Variants in ARHGEF12 observed in about 807,000 individuals in gnomAD.
The protein encoded by ARHGEF12 is KMT2A/ARHGEF12 fusion protein.
ARHGEF12 carries 66 observed loss-of-function variants against 211.2 expected under a neutral mutation model. The observed-to-expected ratio is 0.31, with a 90% CI of 0.26 to 0.38. The LOEUF (loss-of-function observed/expected upper bound fraction) is 0.38. Among genes scored for constraint, ARHGEF12 ranks in the 10% least tolerant of loss-of-function variants. The pLI, the probability that ARHGEF12 is intolerant of heterozygous loss-of-function variation, is 1.00. For synonymous variants in ARHGEF12, 592 were observed against 638.4 expected (o/e 0.93, Z 1.09); for missense variants, 1,429 against 1,869.5 (o/e 0.76, Z 4.34).
In ARHGEF12 at chr11:120,424,411, C is replaced by T; in HGVS notation, c.402C>T (p.Ile134=). Residue 134 remains isoleucine, a synonymous_variant, in exon 7 of 41, where the codon ATC becomes ATT. Coordinates refer to ENST00000397843, the MANE Select transcript of ARHGEF12 (RefSeq NM_015313.3). ...HSNHLEVVKL[I]KSGSYVALTV... ...ATCATCTGGAGGTGGTGAAGCTAAT[C>T]AAATGTAGGTGAATGTTATTCTTAG... The T allele has an allele frequency of 6.2e-7, 1 of 1,612,834 alleles. No homozygotes were observed. The highest frequency in any genetic ancestry group is 8.5e-7 in the Non-Finnish European group (1 of 1,179,236).
Position 120,484,486 on chromosome 11 carries a change from G to A in ARHGEF12, c.4603G>A (p.Ala1535Thr), listed in dbSNP as rs756480281. 1 of 1,614,100 alleles carries A rather than the reference G, an allele frequency of 6.2e-7. No homozygotes were observed. The highest frequency in any genetic ancestry group is 1.7e-5 in the Admixed American group (1 of 60,030). Reference protein sequence around the residue: ...TILCQRLAGSALTDKHSDKS With the variant: ...TILCQRLAGSTLTDKHSDKS ...TCTTTGCCAAAGGCTGGCTGGATCA[G>A]CCCTCACAGACAAGCACTCAGGTAT... The change falls in exon 40 of 41, where the codon GCC becomes ACC. Residue 1535 changes from alanine (A) to threonine (T), a missense_variant. By Grantham distance (58) the Ala-to-Thr change is moderately conservative (BLOSUM62 0). Transcript: ENST00000397843.
Position 120,486,557 on chromosome 11 carries a change from G to A in ARHGEF12, c.*1480G>A, listed in dbSNP as rs1434325235. ...TTCTTTGGTTTTCCTTGTGCATTAG[G>A]TATATATTTTTTGAAGTATTTTTGC... On this transcript the variant is annotated 3_prime_UTR_variant, in exon 41 of 41. Coordinates refer to ENST00000397843, the MANE Select transcript of ARHGEF12 (RefSeq NM_015313.3). 1 of 226,744 alleles carries A rather than the reference G, an allele frequency of 4.4e-6. No individual in the cohort carries two copies. Among genetic ancestry groups the A allele is most frequent in the African/African-American group, 2.2e-5 (1 of 45,002 alleles). The allele number at this position is 226,744 out of a possible 1,614,324, so 14.0% of individuals were successfully genotyped here.
Position 120,486,246 on chromosome 11 carries a change from A to G in ARHGEF12, c.*1169A>G. On this transcript the variant is annotated 3_prime_UTR_variant, in exon 41 of 41. Transcript: ENST00000397843. ...TCTAATTTTTGCACTGATGGTGCCA[A>G]AGGGCCCTGAGTCAAAAGGATAGCC... 1 of 233,352 alleles carries G rather than the reference A, an allele frequency of 4.3e-6. No homozygotes were observed. The highest frequency in any genetic ancestry group is 8.5e-6 in the Non-Finnish European group (1 of 117,806). The allele number at this position is 233,352 out of a possible 1,614,324, so 14.5% of individuals were successfully genotyped here.
intron 1 of ARHGEF12, among the ~76,000 whole-genome samples, chr11:120,376,826 C>T (rs1195402525): frequency 6.6e-6 from 1 of 152,140 alleles, no homozygotes; most frequent in Non-Finnish European, 1.5e-5. Context: ...TGGTAAACAT[C>T]TTTCTATCTC....
intron 8 of ARHGEF12, 39 bp downstream of exon 8, chr11:120,428,286 T>C: frequency 6.8e-7 from 1 of 1,467,362 alleles, no homozygotes; most frequent in Non-Finnish European, 9.1e-7. Flanking sequence ...TGCTCAGTCT[T>C]ATAAGGATGT....
At chr11:120,410,480 C>T (rs1391410917) in intron 4 of ARHGEF12, 1 of 151,994 alleles carries the variant, frequency 6.6e-6, no homozygotes, top group Non-Finnish European at 1.5e-5. Flanking sequence ...AGAGCAGAAG[C>T]TCCCCCAGGT....
In ARHGEF12 at chr11:120,486,934, T is replaced by C. The variant is rs1338083947; in HGVS notation, c.*1857T>C. On this transcript the variant is annotated 3_prime_UTR_variant, in exon 41 of 41. Transcript: ENST00000397843. Reference sequence around the variant, plus strand: ...TCTAACTCAGAATGGGATTAAAAATTTTAGAAGCAGAAGCTAATATATAAA... The same window carrying C: ...TCTAACTCAGAATGGGATTAAAAATCTTAGAAGCAGAAGCTAATATATAAA... The C allele has an allele frequency of 1.4e-5, 3 of 211,472 alleles. No individual in the cohort carries two copies. Among genetic ancestry groups the C allele is most frequent in the Non-Finnish European group, 2.9e-5 (3 of 104,374 alleles). 13.1% of individuals were successfully genotyped at this position (211,472 alleles called of 1,614,324 possible).
At chr11:120,395,280 C>G (rs899224054) in intron 1 of ARHGEF12, among the ~76,000 whole-genome samples, 3 of 151,630 alleles carry the variant, frequency 2.0e-5, no homozygotes, top group Non-Finnish European at 2.9e-5. Flanking sequence ...AGGGTTTATC[C>G]CAGGAGTGCA....
At chr11:120,421,619 G>A (rs958216638) in intron 5 of ARHGEF12, among the ~76,000 whole-genome samples, 184 bp from the exon 6 acceptor site, 3 of 151,822 alleles carry the variant, frequency 2.0e-5, no homozygotes, top group African/African-American at 7.3e-5. Flanking sequence ...TGTATTTTTA[G>A]TAGAGACGGG....
At chr11:120,434,506 A>AATTTTAAGT (rs1945637827) in intron 11 of ARHGEF12, among the ~76,000 whole-genome samples, 1 of 152,188 alleles carries the variant, frequency 6.6e-6, no homozygotes, top group Non-Finnish European at 1.5e-5. Context: ...TGTTTGTTTC[A>AATTTTAAGT]ATTTTAAGTA....
intron 27 of ARHGEF12, among the ~76,000 whole-genome samples, chr11:120,462,328 T>G (rs1341161001): frequency 1.3e-5 from 2 of 152,118 alleles, no homozygotes; most frequent in Non-Finnish European, 2.9e-5. Context: ...CATTTTTCCA[T>G]TAGGTTTGCC....
intron 1 of ARHGEF12, among the ~76,000 whole-genome samples, chr11:120,367,041 C>T (rs1283043215): frequency 1.3e-5 from 2 of 151,728 alleles, no homozygotes; most frequent in African/African-American, 2.4e-5. Flanking sequence ...TTTAATAAGT[C>T]ACTGCTACAC....
chr11:120,340,017 C>T (rs1324014710), intron 1 of ARHGEF12, among the ~76,000 whole-genome samples: 1 of 152,070 alleles, frequency 6.6e-6, no homozygotes, highest in Non-Finnish European at 1.5e-5. Flanking sequence ...GTAGTATATC[C>T]AAACAGCTTT....
chr11:120,486,483 G>C lies in ARHGEF12; in HGVS notation c.*1406G>C. On this transcript the variant is annotated 3_prime_UTR_variant, in exon 41 of 41. Coordinates refer to ENST00000397843, the MANE Select transcript of ARHGEF12 (RefSeq NM_015313.3). Reference sequence around the variant, plus strand: ...AGTAGCGTTAGCAGCACCCTACAGAGGGTAAGTTTCAGAATTGTAATTTGA... The same window carrying C: ...AGTAGCGTTAGCAGCACCCTACAGACGGTAAGTTTCAGAATTGTAATTTGA... The C allele has an allele frequency of 4.3e-6, 1 of 230,748 alleles. No homozygotes were observed. The allele number at this position is 230,748 out of a possible 1,614,324, so 14.3% of individuals were successfully genotyped here. A position where few individuals can be genotyped will look rare whatever the true frequency, so the allele number is the denominator to read the frequency against.
rs758649305 is a variant in ARHGEF12, at chr11:120,475,463, C to G, written c.3233C>G (p.Pro1078Arg). 6.2e-7 allele frequency: 1 copy of G among 1,614,122 alleles called. No individual in the cohort carries two copies. The highest frequency in any genetic ancestry group is 1.1e-5 in the South Asian group (1 of 91,074). ...GCTGATAGCAAACACACGTTTAGCCCTGTCATTAAGTTGAGTACAGTGTTG... is the reference window on the plus strand; with the variant it reads ...GCTGATAGCAAACACACGTTTAGCCGTGTCATTAAGTTGAGTACAGTGTTG... ...STADSKHTFS[P>R]VIKLSTVLVR... Residue 1078 changes from proline to arginine, a missense_variant, in exon 33 of 41, where the codon CCT (proline) becomes CGT (arginine). Transcript: ENST00000397843.
At chr11:120,438,905 C>T (rs538765128) in intron 12 of ARHGEF12, 8 of 152,078 alleles carry the variant, frequency 5.3e-5, no homozygotes, top group Non-Finnish European at 1.2e-4. Context: ...ACTCTGTTGC[C>T]CAAGCTGCAG....
At position 120,431,841 on chromosome 11, in the gene ARHGEF12, C is replaced by T; in HGVS notation, c.854C>T (p.Pro285Leu). 2 of 1,613,998 alleles carry T rather than the reference C, an allele frequency of 1.2e-6. No homozygotes were observed. The highest frequency in any genetic ancestry group is 1.7e-6 in the Non-Finnish European group (2 of 1,179,924). ...TLTVSEAETD[P>L]GDVLGRTDCS... Reference sequence around the variant, plus strand: ...ACAGTCAGTGAGGCAGAAACAGATCCTGGAGATGTACTGGGCAGGACTGAC... The same window carrying T: ...ACAGTCAGTGAGGCAGAAACAGATCTTGGAGATGTACTGGGCAGGACTGAC... The change falls in exon 11 of 41, where the codon CCT becomes CTT. Residue 285 changes from proline (P) to leucine (L), a missense_variant. Physicochemically the swap from Pro to Leu is moderately conservative, Grantham distance 98. This residue lies in a region of ARHGEF12 where 254 missense variants were observed against 286.4 expected (regional missense o/e 0.89). Coordinates refer to ENST00000397843, the MANE Select transcript of ARHGEF12 (RefSeq NM_015313.3).
chr11:120,375,643 G>C (rs537916546), intron 1 of ARHGEF12, among the ~76,000 whole-genome samples: 2 of 151,568 alleles, frequency 1.3e-5, no homozygotes, highest in African/African-American at 4.8e-5. Flanking sequence ...TACCCCATAG[G>C]CATGCTCAGA....
In ARHGEF12 at chr11:120,347,175, C is replaced by CTTTCTTTCTTT. The variant is rs1565417173; in HGVS notation, c.32+9900_32+9901insTTTCTTTCTTT. Among the ~76,000 whole-genome samples the CTTTCTTTCTTT allele has an allele frequency of 4.5e-3, 282 of 62,106 alleles. 4 individuals are homozygous for CTTTCTTTCTTT. The highest frequency in any genetic ancestry group is 0.01 in the Middle Eastern group (1 of 100). The allele number at this position is 62,106 out of a possible 152,430, so 40.7% of individuals were successfully genotyped here. A position where few individuals can be genotyped will look rare whatever the true frequency, so the allele number is the denominator to read the frequency against. ...TCCTTCCTTCCTTCCTTCCTTCCTT[C>CTTTCTTTCTTT]CTTCCTTCCTTTCTTTCTTTCTTTC... On this transcript the variant is annotated intron_variant, in intron 1 of 40. Transcript: ENST00000397843.
Sources: allele counts gnomAD v4.1 joint callset (sites outside exome capture counted in the v4.1 genomes callset), GRCh38; gene constraint gnomAD v4.1.1; regional missense constraint gnomAD v4.1.1; transcripts MANE v1.5; gene names NCBI Gene and HGNC (gene_info 2026-07-23, HGNC 2026-07-21).